The following MED19 variants were observed in gnomAD, a reference collection of about 807,000 sequenced individuals.
The protein encoded by MED19 is mediator complex subunit 19, also known as mediator of RNA polymerase II transcription subunit 19.
A neutral mutation model predicts 19.9 loss-of-function variants in MED19; 4 were observed. That is an observed-to-expected ratio of 0.20 (90% CI 0.10 to 0.46). The LOEUF (loss-of-function observed/expected upper bound fraction) is 0.46. Ranked by LOEUF, MED19 falls within the 20% of genes least tolerant of loss-of-function variation. MED19 has a pLI of 0.99. For synonymous variants in MED19, 139 were observed against 119.6 expected (o/e 1.16, Z -1.06); for missense variants, 303 against 318.7 (o/e 0.95, Z 0.38).
intron 1 of MED19, among the ~76,000 whole-genome samples, chr11:57,706,929 G>A (rs1463972083): frequency 6.6e-6 from 1 of 152,028 alleles, no homozygotes; most frequent in Non-Finnish European, 1.5e-5. Flanking sequence ...TTGGCACAGT[G>A]GTTCATGCCT....
At chr11:57,704,623 T>TA (rs1295114454) in intron 3 of MED19, 96 bp downstream of exon 3, 2 of 1,607,158 alleles carry the variant, frequency 1.2e-6, no homozygotes, top group Non-Finnish European at 1.7e-6. Context: ...ATACGGAACT[T>TA]AACTGGGTTT....
At chr11:57,704,930 GT>G in intron 2 of MED19, 42 bp downstream of exon 2, 1 of 1,605,826 alleles carries the variant, frequency 6.2e-7, no homozygotes, top group Non-Finnish European at 8.5e-7. Flanking sequence ...CCATCTCCAT[GT>G]TTAGGCCTCC....
chr11:57,705,310 T>A, intron 1 of MED19, 81 bp from the exon 2 acceptor site: 1 of 1,439,686 alleles, frequency 6.9e-7, no homozygotes, highest in South Asian at 1.4e-5. Context: ...TTAACCTAAA[T>A]AAGACATTTT....
intron 1 of MED19, among the ~76,000 whole-genome samples, chr11:57,708,745 G>A (rs554014218): frequency 1.1e-4 from 17 of 152,080 alleles, no homozygotes; most frequent in African/African-American, 3.1e-4. Context: ...CATCTCACCC[G>A]CCTCATACAC....
exon 5 of MED19, chr11:57,703,986 C>T: frequency 6.5e-7 from 1 of 1,531,288 alleles, no homozygotes. Flanking sequence ...CTTTTATCAG[C>T]AGGTTCAGTA....
intron 1 of MED19, among the ~76,000 whole-genome samples, chr11:57,705,930 A>G (rs1288628666): frequency 6.6e-6 from 1 of 152,078 alleles, no homozygotes; most frequent in Non-Finnish European, 1.5e-5. Context: ...ACGACCTTGC[A>G]GCTCAGCTAC....
chr11:57,711,483 A>G (rs1267831209), intron 1 of MED19, among the ~76,000 whole-genome samples: 1 of 152,072 alleles, frequency 6.6e-6, no homozygotes, highest in Non-Finnish European at 1.5e-5. Context: ...CCTCCCGAGT[A>G]GCTGGAATTA....
exon 1 of MED19, chr11:57,712,165 C>G: frequency 7.2e-6 from 11 of 1,527,298 alleles, no homozygotes; most frequent in Non-Finnish European, 9.7e-6. Flanking sequence ...CAAACAGTGC[C>G]GTGAAATTCT....
At chr11:57,705,218 G>A (rs1191432014) in exon 2 of MED19, 1 of 1,614,124 alleles carries the variant, frequency 6.2e-7, no homozygotes, top group Non-Finnish European at 8.5e-7. Flanking sequence ...CTGCCTGTCA[G>A]CTCTGTGCTA....
chr11:57,705,579 G>T (rs1016911844), intron 1 of MED19, among the ~76,000 whole-genome samples: 5 of 151,758 alleles, frequency 3.3e-5, no homozygotes, highest in African/African-American at 1.2e-4. Context: ...ACTTGAACCC[G>T]GGAGGTGGAG....
chr11:57,706,221 C>T (rs1270748156), intron 1 of MED19, among the ~76,000 whole-genome samples: 1 of 152,064 alleles, frequency 6.6e-6, no homozygotes. Context: ...GATCTTGGCT[C>T]ACTGCAACCT....
At chr11:57,705,018 A>G in exon 2 of MED19, 1 of 1,614,132 alleles carries the variant, frequency 6.2e-7, no homozygotes, top group Non-Finnish European at 8.5e-7. Flanking sequence ...TCCCTGTGAT[A>G]GGATTGAAAG....
chr11:57,705,305 C>T, intron 1 of MED19, 76 bp from the exon 2 acceptor site: 3 of 1,451,204 alleles, frequency 2.1e-6, no homozygotes, highest in Middle Eastern at 1.8e-4. Context: ...ATATATTAAC[C>T]TAAATAAGAC....
chr11:57,704,121 A>G lies in MED19; in HGVS notation c.667-15T>C. 1 of 1,536,166 alleles carries G rather than the reference A, an allele frequency of 6.5e-7. No homozygotes were observed. The highest frequency in any genetic ancestry group is 8.7e-7 in the Non-Finnish European group (1 of 1,146,924). Reference sequence around the variant, plus strand: ...CTATGTCGATTCTGGGGGAGAAAGAAGCAGGGTAAGAACAACTAGGAACTA... The same window carrying G: ...CTATGTCGATTCTGGGGGAGAAAGAGGCAGGGTAAGAACAACTAGGAACTA... On this transcript the variant is annotated splice_polypyrimidine_tract_variant and intron_variant, in intron 4 of 4. Transcript: ENST00000431606.
chr11:57,705,984 C>T (rs1178230171), intron 1 of MED19, among the ~76,000 whole-genome samples: 2 of 150,974 alleles, frequency 1.3e-5, no homozygotes, highest in Non-Finnish European at 2.9e-5. Flanking sequence ...ACTTAAGGGT[C>T]TTGTCAAGGA....
At chr11:57,705,251 T>C in intron 1 of MED19, 22 bp from the exon 2 acceptor site, 1 of 1,607,816 alleles carries the variant, frequency 6.2e-7, no homozygotes, top group Admixed American at 1.7e-5. Flanking sequence ...AGAATAAAAA[T>C]AAAAAAGATC....
At chr11:57,706,111 G>A (rs1449092417) in intron 1 of MED19, among the ~76,000 whole-genome samples, 1 of 151,348 alleles carries the variant, frequency 6.6e-6, no homozygotes, top group African/African-American at 2.4e-5. Flanking sequence ...ATTCTTCCTC[G>A]TGATACTGAG....
At chr11:57,705,542 T>C (rs528929082) in intron 1 of MED19, among the ~76,000 whole-genome samples, 138 of 151,240 alleles carry the variant, frequency 9.1e-4, no homozygotes, top group Non-Finnish European at 1.5e-3. Context: ...TAGTCCCAAC[T>C]ACTCAGGAGG....
intron 1 of MED19, 23 bp downstream of exon 1, chr11:57,711,940 C>T (rs986981533): frequency 2.1e-6 from 3 of 1,404,338 alleles, no homozygotes; most frequent in African/African-American, 3.0e-5. Flanking sequence ...GATTGGCTGG[C>T]TTTGGCAAGG....
Sources: gnomAD v4.1 joint callset for allele counts (sites outside exome capture counted in the v4.1 genomes callset) on GRCh38, gnomAD v4.1.1 for gene constraint, MANE v1.5 for transcripts, NCBI Gene and HGNC (gene_info 2026-07-23, HGNC 2026-07-21) for gene names.